Variants in ZBTB40 observed in about 807,000 individuals in gnomAD.
ZBTB40 encodes zinc finger and BTB domain-containing protein 40.
ZBTB40 carries 60 observed loss-of-function variants against 117.5 expected under a neutral mutation model. The ratio of observed to expected loss-of-function variants is 0.51; its 90% CI spans 0.41 to 0.63. The LOEUF (loss-of-function observed/expected upper bound fraction) is 0.63. Ranked by LOEUF, ZBTB40 falls within the 30% of genes least tolerant of loss-of-function variation. The probability of loss-of-function intolerance (pLI) is 0.00; values close to 1 mark genes in which losing one functional copy is unlikely to be tolerated. For missense variants in ZBTB40, 1,287 were observed against 1,498.5 expected (o/e 0.86, Z 2.33); for synonymous variants, 525 against 577.1 (o/e 0.91, Z 1.29).
Position 22,487,586 on chromosome 1 carries a change from T to C in ZBTB40, c.-69-2294T>C, listed in dbSNP as rs1006325176. 2.0e-5 allele frequency among the ~76,000 whole-genome samples: 3 copies of C among 152,070 alleles called. No individual in the cohort carries two copies. In the South Asian group the frequency reaches 6.2e-4, roughly 32 times the overall value. On this transcript the variant is annotated intron_variant, in intron 1 of 17. Coordinates refer to ENST00000375647, the MANE Select transcript of ZBTB40 (RefSeq NM_014870.4). ...CCTTCACATCCATTCAGTCCCTAAG[T>C]CATGACAGCTATACTTTGCAATGTT...
intron 17 of ZBTB40, among the ~76,000 whole-genome samples, chr1:22,525,374 G>A (rs3754008): frequency 0.02 from 2,984 of 152,288 alleles, 77 homozygotes; most frequent in Admixed American, 0.065. Flanking sequence ...CCTGTAGCAC[G>A]GAGAAGTAGC....
At chr1:22,471,758 A>T (rs1213423462) in intron 1 of ZBTB40, among the ~76,000 whole-genome samples, 2 of 152,200 alleles carry the variant, frequency 1.3e-5, no homozygotes, top group South Asian at 2.1e-4. Flanking sequence ...GGTTATGGGG[A>T]TGCTGAACAC....
At position 22,527,003 on chromosome 1, in the gene ZBTB40, G is replaced by A. The variant is rs908297359; in HGVS notation, c.*607G>A. On this transcript the variant is annotated 3_prime_UTR_variant, in exon 18 of 18. Coordinates refer to ENST00000375647, the MANE Select transcript of ZBTB40 (RefSeq NM_014870.4). ...CACCCTATTGATGGCTATAGGACAG[G>A]TAGCCCTCATTTCCATGCCTGATAA... The A allele has an allele frequency of 3.7e-5, 6 of 164,190 alleles. No homozygotes were observed. The highest frequency in any genetic ancestry group is 6.7e-5 in the Non-Finnish European group (5 of 74,430). 10.2% of individuals were successfully genotyped at this position (164,190 alleles called of 1,614,324 possible). A position where few individuals can be genotyped will look rare whatever the true frequency, so the allele number is the denominator to read the frequency against.
intron 1 of ZBTB40, among the ~76,000 whole-genome samples, chr1:22,431,380 GTGTGTATATA>G (rs1350267472): frequency 5.3e-4 from 8 of 15,238 alleles, no homozygotes; most frequent in Admixed American, 2.3e-3. Flanking sequence ...GTGTGTGTGT[GTGTGTATATA>G]TATATATATA....
At chr1:22,440,060 T>C (rs1032469011) in intron 1 of ZBTB40, among the ~76,000 whole-genome samples, 4 of 152,230 alleles carry the variant, frequency 2.6e-5, no homozygotes, top group African/African-American at 9.6e-5. Flanking sequence ...AATTCCAAAT[T>C]ATTTTATTCT....
chr1:22,469,149 G>A (rs544276757), intron 1 of ZBTB40, among the ~76,000 whole-genome samples: 101 of 152,222 alleles, frequency 6.6e-4, no homozygotes, highest in South Asian at 3.5e-3. Flanking sequence ...TTTAAGCCAT[G>A]AAGTGTTCAC....
rs746977268 is a variant in ZBTB40, at chr1:22,511,661, G to A, written c.2003-15G>A. ...CAGAGAGTTCGCAGAGCCACGAGAT[G>A]TCTCTTTTATGCAGGTGTCCTTACT... On this transcript the variant is annotated splice_polypyrimidine_tract_variant and intron_variant, in intron 10 of 17. Coordinates refer to ENST00000375647, the MANE Select transcript of ZBTB40 (RefSeq NM_014870.4). 22 of 1,610,574 alleles carry A rather than the reference G, an allele frequency of 1.4e-5. No homozygotes were observed. The highest frequency in any genetic ancestry group is 1.8e-5 in the Non-Finnish European group (21 of 1,179,080).
chr1:22,512,818 TC>T, intron 11 of ZBTB40, 105 bp from the exon 12 acceptor site: 1 of 1,314,940 alleles, frequency 7.6e-7, no homozygotes, highest in Non-Finnish European at 1.1e-6. Context: ...ATGCTGTGCT[TC>T]CTCTGGAGGC....
chr1:22,432,748 A>G lies in ZBTB40; in HGVS notation c.-70+3734A>G, dbSNP rs537969019. On this transcript the variant is annotated intron_variant, in intron 1 of 8. Coordinates refer to the ZBTB40 transcript ENST00000650433. Reference sequence around the variant, plus strand: ...AATGTTTTTAAACAAATACAAATGTATATTCTTATATCTGCCGCCCATCAC... The same window carrying G: ...AATGTTTTTAAACAAATACAAATGTGTATTCTTATATCTGCCGCCCATCAC... Among the ~76,000 whole-genome samples the G allele has an allele frequency of 5.9e-5, 9 of 152,322 alleles. No individual in the cohort carries two copies. The South Asian group carries it at 1.4e-3, about 25-fold the overall frequency.
Position 22,526,222 on chromosome 1 carries a change from G to C in ZBTB40, c.3546G>C (p.Pro1182=), listed in dbSNP as rs881646. ...QMAQVIQTPE[P]VAPTEQVITL... Reference sequence around the variant, plus strand: ...TTCAGGTGATCCAAACCCCAGAGCCGGTGGCCCCGACAGAGCAGGTGATCA... The same window carrying C: ...TTCAGGTGATCCAAACCCCAGAGCCCGTGGCCCCGACAGAGCAGGTGATCA... Residue 1182 remains proline (P), a synonymous_variant, in exon 18 of 18, where the codon CCG becomes CCC. Coordinates refer to ENST00000375647, the MANE Select transcript of ZBTB40 (RefSeq NM_014870.4). 591,870 of 1,613,896 alleles carry C rather than the reference G, an allele frequency of 0.37. 112,241 individuals are homozygous for C. The highest frequency in any genetic ancestry group is 0.45 in the East Asian group (19,959 of 44,836).
At chr1:22,460,378 TA>T (rs1319437303) in intron 1 of ZBTB40, among the ~76,000 whole-genome samples, 1 of 152,182 alleles carries the variant, frequency 6.6e-6, no homozygotes, top group East Asian at 1.9e-4. Flanking sequence ...TGGTGAACTT[TA>T]AAATTTTCAT....
At chr1:22,473,662 G>A (rs1038786693) in intron 1 of ZBTB40, among the ~76,000 whole-genome samples, 3 of 152,228 alleles carry the variant, frequency 2.0e-5, no homozygotes, top group African/African-American at 7.2e-5. Context: ...TGGGGCAGTG[G>A]ATGTGTTTGG....
chr1:22,522,551 T>A, intron 16 of ZBTB40, 88 bp downstream of exon 16: 1 of 1,278,726 alleles, frequency 7.8e-7, no homozygotes, highest in East Asian at 2.3e-5. Context: ...CTAGGCTAAA[T>A]CGCTTAACAA....
chr1:22,510,112 A>C (rs1303809863), intron 9 of ZBTB40, among the ~76,000 whole-genome samples: 1 of 152,190 alleles, frequency 6.6e-6, no homozygotes, highest in African/African-American at 2.4e-5. Context: ...CCAAGTGGGG[A>C]CTGGGGGAAC....
chr1:22,502,226 T>C, intron 4 of ZBTB40, 73 bp from the exon 5 acceptor site: 1 of 1,545,910 alleles, frequency 6.5e-7, no homozygotes, highest in Non-Finnish European at 8.8e-7. Flanking sequence ...TAGATCTCTC[T>C]TGACAAACCA....
chr1:22,522,978 C>T (rs1342250853), intron 16 of ZBTB40, among the ~76,000 whole-genome samples: 5 of 114,420 alleles, frequency 4.4e-5, no homozygotes, highest in African/African-American at 1.6e-4. Flanking sequence ...GATGGAGTCT[C>T]ACTCTGTCAC....
At position 22,526,529 on chromosome 1, in the gene ZBTB40, C is replaced by A. The variant is rs1443429339; in HGVS notation, c.*133C>A. 3.4e-6 allele frequency: 4 copies of A among 1,165,028 alleles called. No individual in the cohort carries two copies. The highest frequency in any genetic ancestry group is 5.0e-6 in the Non-Finnish European group (4 of 802,042). The allele number at this position is 1,165,028 out of a possible 1,614,324, so 72.2% of individuals were successfully genotyped here. A position where few individuals can be genotyped will look rare whatever the true frequency, so the allele number is the denominator to read the frequency against. On this transcript the variant is annotated 3_prime_UTR_variant, in exon 18 of 18. Transcript: ENST00000375647. ...CTTAGCACCAACCAACACAGTCTCACCTAGAAAACAGATGGAAGCTTCGTT... is the reference window on the plus strand; with the variant it reads ...CTTAGCACCAACCAACACAGTCTCAACTAGAAAACAGATGGAAGCTTCGTT...
intron 1 of ZBTB40, among the ~76,000 whole-genome samples, chr1:22,455,879 C>T (rs1445017519): frequency 6.6e-6 from 1 of 151,948 alleles, no homozygotes; most frequent in Non-Finnish European, 1.5e-5. Context: ...TGCAATGATG[C>T]TTTGAACTGA....
rs767808568 is a variant in ZBTB40 at position 22,490,042 on chromosome 1, A to G, written c.94A>G (p.Thr32Ala). Residue 32 changes from threonine to alanine, a missense_variant, in exon 2 of 18, where the codon ACC (threonine) becomes GCC (alanine). Coordinates refer to ENST00000375647, the MANE Select transcript of ZBTB40 (RefSeq NM_014870.4). ...CTGTGATTGCACCATCTCCATTGGT[A>G]CCATTTACTTCAGGGCTCACAAGCT... Reference protein sequence around the residue: ...QFCDCTISIGTIYFRAHKLVL... With the variant: ...QFCDCTISIGAIYFRAHKLVL... The G allele has an allele frequency of 1.9e-6, 3 of 1,614,112 alleles. No homozygotes were observed. The Admixed American group carries it at 5.0e-5, about 27-fold the overall frequency.
Sources: gnomAD v4.1 joint callset for allele counts (sites outside exome capture counted in the v4.1 genomes callset) on GRCh38, gnomAD v4.1.1 for gene constraint, MANE v1.5 for transcripts, NCBI Gene and HGNC (gene_info 2026-07-23, HGNC 2026-07-21) for gene names.